Variants in HHLA1 observed in about 807,000 individuals in gnomAD.
HHLA1 encodes HERV-H LTR-associating protein 1.
In HHLA1, 72 loss-of-function variants were observed where a neutral mutation model predicts 69.9. The observed-to-expected ratio is 1.03, with a 90% CI of 0.85 to 1.25. The LOEUF (loss-of-function observed/expected upper bound fraction) is 1.25, where lower values mean the gene tolerates loss of function less well. Among genes scored for constraint, HHLA1 ranks in the 50% most tolerant of loss-of-function variants. The probability of loss-of-function intolerance (pLI) is 0.00; values close to 1 mark genes in which losing one functional copy is unlikely to be tolerated. For synonymous variants in HHLA1, 252 were observed against 233.2 expected, an observed-to-expected ratio of 1.08 and a Z score of -0.73; for missense variants, 685 against 642.2, an observed-to-expected ratio of 1.07 and a Z score of -0.72.
rs887861004 is a variant in HHLA1 at position 132,077,797 on chromosome 8, G to A, written c.1100C>T (p.Thr367Ile). Residue 367 changes from threonine (T) to isoleucine (I), a missense_variant, in exon 12 of 17, where the codon ACA becomes ATA. Thr to Ile is a moderately conservative substitution (Grantham distance 89). Transcript: ENST00000414222. ...TAGTEEAMNT[T>I]SLLAPAAEIM... Reference sequence around the variant, plus strand: ...CTCAGCAGCAGGCGCCAAAAGGCTTGTAGTGTTCATGGCTTCCTCGGTCCC... The same window carrying A: ...CTCAGCAGCAGGCGCCAAAAGGCTTATAGTGTTCATGGCTTCCTCGGTCCC... 13 of 1,551,556 alleles carry A rather than the reference G, an allele frequency of 8.4e-6. No individual in the cohort carries two copies. The Admixed American group carries it at 2.5e-4, about 30-fold the overall frequency.
chr8:132,104,296 G>A (rs184718784), intron 2 of HHLA1, 129 bp from the exon 3 acceptor site: 80 of 640,706 alleles, frequency 1.2e-4, no homozygotes, highest in African/African-American at 7.9e-4. Flanking sequence ...ATTTAGTCCC[G>A]CATCTAGTTT....
At position 132,077,727 on chromosome 8, in the gene HHLA1, C is replaced by CTCTT; in HGVS notation, c.1169_1170insAAGA (p.Gly391ArgfsTer26). 1 of 1,551,338 alleles carries CTCTT rather than the reference C, an allele frequency of 6.4e-7. No individual in the cohort carries two copies. On this transcript the variant is annotated frameshift_variant and splice_region_variant, in exon 12 of 17. Transcript: ENST00000414222. LOFTEE classifies it high-confidence loss of function. ...GTAGAAGTGAGCACCCTCTCTTACC[C>CTCTT]AAGGTAGGGCTGGCCTGGGATGGGC... is the stretch of plus-strand genomic sequence containing the variant.
At chr8:132,090,653 C>T (rs909252068) in intron 7 of HHLA1, among the ~76,000 whole-genome samples, 3 of 152,158 alleles carry the variant, frequency 2.0e-5, no homozygotes, top group South Asian at 4.1e-4. Flanking sequence ...ACATTTTAAC[C>T]TCCTGGAGGG....
At chr8:132,106,380 T>G (rs1824202107) in intron 1 of HHLA1, among the ~76,000 whole-genome samples, 1 of 152,200 alleles carries the variant, frequency 6.6e-6, no homozygotes, top group Non-Finnish European at 1.5e-5. Context: ...TTTTTGATTA[T>G]TGATAGCTAT....
At chr8:132,096,248 ATCTC>A (rs745971128) in intron 5 of HHLA1, among the ~76,000 whole-genome samples, 1 of 152,182 alleles carries the variant, frequency 6.6e-6, no homozygotes, top group African/African-American at 2.4e-5. Context: ...TTGTGGCCAC[ATCTC>A]TCTCTGTTCT....
chr8:132,095,260 CTACTT>C (rs1358473959), intron 7 of HHLA1, among the ~76,000 whole-genome samples: 1 of 152,210 alleles, frequency 6.6e-6, no homozygotes, highest in African/African-American at 2.4e-5. Context: ...ATGTGGGAGA[CTACTT>C]AACCATTTTC....
In HHLA1 at chr8:132,104,275, T is replaced by A. The variant is rs569739901; in HGVS notation, c.80-108A>T. On this transcript the variant is annotated intron_variant, in intron 2 of 16. Coordinates refer to ENST00000414222, the MANE Select transcript of HHLA1 (RefSeq NM_001145095.3). ...AGATGAGAGAATTATGATCTGGGGT[T>A]GTGAAGTGACATTTAGTCCCGCATC... 3.4e-4 allele frequency: 255 copies of A among 745,884 alleles called. No homozygotes were observed. The East Asian group carries it at 5.4e-3, about 16-fold the overall frequency. 46.2% of individuals were successfully genotyped at this position (745,884 alleles called of 1,614,324 possible).
intron 7 of HHLA1, among the ~76,000 whole-genome samples, 184 bp from the exon 8 acceptor site, chr8:132,089,783 C>T (rs535219149): frequency 3.3e-4 from 50 of 152,084 alleles, no homozygotes; most frequent in Non-Finnish European, 5.3e-4. Flanking sequence ...GATTTCAGGC[C>T]GGAAGGAAAC....
Position 132,063,035 on chromosome 8 carries a change from A to T in HHLA1, c.*960T>A, listed in dbSNP as rs1367600672. The T allele has an allele frequency of 6.6e-6, 1 of 152,254 alleles. No homozygotes were observed. The highest frequency in any genetic ancestry group is 1.5e-5 in the Non-Finnish European group (1 of 68,092). The allele number at this position is 152,254 out of a possible 1,614,324, so 9.4% of individuals were successfully genotyped here. ...GCCATGCAGGCCATGAAGGCACTCC[A>T]TACCTACTCCATACCCCCAAACATC... is the stretch of plus-strand genomic sequence containing the variant. On this transcript the variant is annotated 3_prime_UTR_variant, in exon 17 of 17. Transcript: ENST00000414222.
intron 7 of HHLA1, among the ~76,000 whole-genome samples, chr8:132,093,369 T>C (rs1823973821): frequency 6.6e-6 from 1 of 152,114 alleles, no homozygotes; most frequent in South Asian, 2.1e-4. Flanking sequence ...GCCAGTTTCA[T>C]TTAGGAAGAA....
rs559864810 is a variant in HHLA1 at position 132,082,367 on chromosome 8, G to C, written c.677-2401C>G. On this transcript the variant is annotated intron_variant, in intron 10 of 16. Transcript: ENST00000414222. ...TAAAACAGTAAGGTCAAGTTGTTTG[G>C]ACAGAAAGGCTACAGGGTGTGGTCC... 7.6e-4 allele frequency among the ~76,000 whole-genome samples: 116 copies of C among 152,356 alleles called. 1 individual carries two copies. The highest frequency in any genetic ancestry group is 6.8e-3 in the Middle Eastern group (2 of 294).
chr8:132,101,051 T>C, intron 3 of HHLA1: 1 of 1,040,792 alleles, frequency 9.6e-7, no homozygotes, highest in Non-Finnish European at 1.3e-6. Context: ...AAGAAGCTGG[T>C]ACAAAAAAAG....
At chr8:132,075,471 G>A (rs942431342) in intron 14 of HHLA1, among the ~76,000 whole-genome samples, 2 of 152,314 alleles carry the variant, frequency 1.3e-5, no homozygotes, top group African/African-American at 4.8e-5. Flanking sequence ...TCTGTCAGGA[G>A]TTCTGAAAAC....
In HHLA1 at chr8:132,071,424, A is replaced by G. The variant is rs762654647; in HGVS notation, c.1385T>C (p.Leu462Pro). ...AAPLTLAIQR[L>P]NPCLMELCQF... is the part of the protein sequence containing the mutation. The stretch of plus-strand genomic sequence containing the variant: ...GCACAGCTCCATCAGGCATGGGTTG[A>G]GCCTCTGAATAGCCAGGGTGAGAGG... Residue 462 changes from leucine (L) to proline (P), a missense_variant, in exon 15 of 17, where the codon CTC becomes CCC. Transcript: ENST00000414222. 1 of 1,551,670 alleles carries G rather than the reference A, an allele frequency of 6.4e-7. No homozygotes were observed. Among genetic ancestry groups the G allele is most frequent in the South Asian group, 1.2e-5 (1 of 84,058 alleles).
intron 7 of HHLA1, among the ~76,000 whole-genome samples, chr8:132,093,377 GA>G (rs1288725403): frequency 6.6e-6 from 1 of 151,928 alleles, no homozygotes; most frequent in South Asian, 2.1e-4. Flanking sequence ...CATTTAGGAA[GA>G]AAAAAAAGGG....
At chr8:132,109,348 G>A (rs1471409080) in intron 1 of HHLA1, among the ~76,000 whole-genome samples, 1 of 152,204 alleles carries the variant, frequency 6.6e-6, no homozygotes, top group Non-Finnish European at 1.5e-5. Flanking sequence ...GTCTCCCAAA[G>A]TGCTTGGATT....
At chr8:132,068,387 A>G (rs939755985) in intron 15 of HHLA1, among the ~76,000 whole-genome samples, 3 of 152,232 alleles carry the variant, frequency 2.0e-5, no homozygotes, top group African/African-American at 7.2e-5. Flanking sequence ...GGCATCCCCT[A>G]CAGTGATAAA....
intron 10 of HHLA1, among the ~76,000 whole-genome samples, chr8:132,081,908 G>A (rs1363390334): frequency 6.6e-6 from 1 of 152,142 alleles, no homozygotes; most frequent in African/African-American, 2.4e-5. Context: ...TCTAAGAGGT[G>A]GGCTAGTGGC....
chr8:132,098,813 A>G (rs375683778), intron 5 of HHLA1, 69 bp downstream of exon 5: 40 of 941,192 alleles, frequency 4.2e-5, no homozygotes, highest in African/African-American at 3.7e-4. Flanking sequence ...AGGCAACAGA[A>G]AGGTTCAGAA....
Sources: gnomAD v4.1 joint callset for allele counts (sites outside exome capture counted in the v4.1 genomes callset) on GRCh38, gnomAD v4.1.1 for gene constraint, MANE v1.5 for transcripts, NCBI Gene and HGNC (gene_info 2026-07-23, HGNC 2026-07-21) for gene names.